Variants in UBE2S observed in about 807,000 individuals in gnomAD.
The protein encoded by UBE2S is ubiquitin conjugating enzyme E2 S, also known as ubiquitin-conjugating enzyme E2 S.
A neutral mutation model predicts 12.3 loss-of-function variants in UBE2S; 3 were observed. That is an observed-to-expected ratio of 0.24 (90% CI 0.11 to 0.63). The LOEUF (loss-of-function observed/expected upper bound fraction) is 0.63, where lower values mean the gene tolerates loss of function less well. UBE2S is among the 30% of genes least tolerant of loss of function. The pLI is 0.85. For missense variants in UBE2S, 211 were observed against 313.9 expected (o/e 0.67, Z 2.48); for synonymous variants, 133 against 142.0 (o/e 0.94, Z 0.45).
In UBE2S at chr19:55,404,836, C is replaced by G. The variant is rs2090086260; in HGVS notation, c.152-358G>C. Among the ~76,000 whole-genome samples, 1 of 152,116 alleles carries G rather than the reference C, an allele frequency of 6.6e-6. No individual in the cohort carries two copies. The highest frequency in any genetic ancestry group is 1.5e-5 in the Non-Finnish European group (1 of 68,004). On this transcript the variant is annotated intron_variant, in intron 2 of 3. Transcript: ENST00000264552. The surrounding 1 kb of genome is among the most constrained non-coding windows in gnomAD (Gnocchi z 4.4). ...CAAGCTGGTCTTGCACTCCTAGGCTCAAGCAATTTGTTCACCTCAGCCTCC... is the reference window on the plus strand; with the variant it reads ...CAAGCTGGTCTTGCACTCCTAGGCTGAAGCAATTTGTTCACCTCAGCCTCC...
rs377155611 is a variant in UBE2S at position 55,404,270 on chromosome 19, C to A, written c.342+18G>T. ...CAGAGGCAGGAGGCAGGAGGCCCAG[C>A]CCCAGCCCAGAACTCACCAGCAGTA... On this transcript the variant is annotated intron_variant, in intron 3 of 3. Coordinates refer to ENST00000264552, the MANE Select transcript of UBE2S (RefSeq NM_014501.3). The surrounding 1 kb of genome is among the most constrained non-coding windows in gnomAD (Gnocchi z 4.4). 7 of 1,609,540 alleles carry A rather than the reference C, an allele frequency of 4.3e-6. No homozygotes were observed. In the African/African-American group the frequency reaches 8.3e-5, roughly 19 times the overall value.
rs561914418 is a variant in UBE2S at position 55,405,164 on chromosome 19, C to T, written c.152-686G>A. ...TGGGGAGGTTGCAGTGTGCGGAGAT[C>T]GCGCCACTGCACTCCAGCCTGGGCA... is the stretch of plus-strand genomic sequence containing the variant. On this transcript the variant is annotated intron_variant, in intron 2 of 3. Coordinates refer to ENST00000264552, the MANE Select transcript of UBE2S (RefSeq NM_014501.3). Among the ~76,000 whole-genome samples the T allele has an allele frequency of 4.8e-5, 7 of 146,510 alleles. No individual in the cohort carries two copies. The South Asian group carries it at 1.5e-3, about 32-fold the overall frequency.
chr19:55,405,359 A>T (rs766938545), intron 2 of UBE2S, among the ~76,000 whole-genome samples: 29 of 151,968 alleles, frequency 1.9e-4, no homozygotes, highest in Non-Finnish European at 3.7e-4. Context: ...AATACAAAAA[A>T]TTAGCTGGGC....
chr19:55,404,414 G>A lies in UBE2S; in HGVS notation c.216C>T (p.Ala72=). The A allele has an allele frequency of 6.2e-7, 1 of 1,613,560 alleles. No homozygotes were observed. Among genetic ancestry groups the A allele is most frequent in the African/African-American group, 1.3e-5 (1 of 75,016 alleles). The change falls in exon 3 of 4, where the codon GCC becomes GCT. Residue 72 remains alanine, a synonymous_variant. Transcript: ENST00000264552. This position sits in a 1 kb window ranked among gnomAD's most constrained non-coding sequence, Gnocchi z 4.4. ...TCAGGAAGTAGCCCTTGGGTGGGGA[G>A]GCAGGGAAGTCCTTCCCCAGCAGGA... is the stretch of plus-strand genomic sequence containing the variant. ...MKLLLGKDFP[A]SPPKGYFLTK... is the part of the protein sequence containing the mutation.
Position 55,407,783 on chromosome 19 carries a change from T to G in UBE2S, c.-194A>C, listed in dbSNP as rs1237935331. On this transcript the variant is annotated 5_prime_UTR_variant, in exon 1 of 4. Coordinates refer to ENST00000264552, the MANE Select transcript of UBE2S (RefSeq NM_014501.3). ...CCGCCGCCCCGGTGCCCGGCAGCAC[T>G]GAGCCGGCCGCGCGCGCACCACTGC... is the stretch of plus-strand genomic sequence containing the variant. 2.8e-6 allele frequency: 1 copy of G among 352,894 alleles called. No homozygotes were observed. Among genetic ancestry groups the G allele is most frequent in the Admixed American group, 4.9e-5 (1 of 20,504 alleles). The allele number at this position is 352,894 out of a possible 1,614,324, so 21.9% of individuals were successfully genotyped here. A position where few individuals can be genotyped will look rare whatever the true frequency, so the allele number is the denominator to read the frequency against.
At chr19:55,406,133 C>T (rs2090094868) in intron 2 of UBE2S, among the ~76,000 whole-genome samples, 1 of 152,220 alleles carries the variant, frequency 6.6e-6, no homozygotes, top group Non-Finnish European at 1.5e-5. Flanking sequence ...TCCACCTGCC[C>T]AAGGGCCTTT....
intron 1 of UBE2S, 133 bp from the exon 2 acceptor site, chr19:55,407,095 C>T: frequency 2.6e-6 from 3 of 1,138,294 alleles, no homozygotes; most frequent in Non-Finnish European, 3.6e-6. Flanking sequence ...CTCCCAGACC[C>T]TCACCCAGGA....
intron 2 of UBE2S, among the ~76,000 whole-genome samples, chr19:55,406,459 ATCACCTGGCCCACCC>A (rs1372522240): frequency 6.6e-6 from 1 of 152,110 alleles, no homozygotes; most frequent in African/African-American, 2.4e-5. Flanking sequence ...GGAGTTTGAG[ATCACCTGGCCCACCC>A]TCCCAGGCCC....
rs1463588327 is a variant in UBE2S at position 55,405,196 on chromosome 19, G to C, written c.152-718C>G. Among the ~76,000 whole-genome samples the C allele has an allele frequency of 9.6e-5, 12 of 124,774 alleles. No homozygotes were observed. In the East Asian group the frequency reaches 2.4e-3, roughly 25 times the overall value. 81.9% of individuals were successfully genotyped at this position (124,774 alleles called of 152,430 possible). A position where few individuals can be genotyped will look rare whatever the true frequency, so the allele number is the denominator to read the frequency against. On this transcript the variant is annotated intron_variant, in intron 2 of 3. Coordinates refer to ENST00000264552, the MANE Select transcript of UBE2S (RefSeq NM_014501.3). ...CTGCACTCCAGCCTGGGCAACAAGA[G>C]CGAAACTCTGTTTCCAAAAAAAAAA... is the stretch of plus-strand genomic sequence containing the variant.
Position 55,401,230 on chromosome 19 carries a change from A to G in UBE2S, c.*206T>C. The G allele has an allele frequency of 1.5e-6, 1 of 648,544 alleles. No individual in the cohort carries two copies. The highest frequency in any genetic ancestry group is 2.0e-5 in the South Asian group (1 of 50,192). 40.2% of individuals were successfully genotyped at this position (648,544 alleles called of 1,614,324 possible). A position where few individuals can be genotyped will look rare whatever the true frequency, so the allele number is the denominator to read the frequency against. ...GCCTGTGCAGGGGAGCCAAACTCCC[A>G]GAGCCACATGGCACCATGCAGCGGT... is the stretch of plus-strand genomic sequence containing the variant. On this transcript the variant is annotated 3_prime_UTR_variant, in exon 4 of 4. Coordinates refer to ENST00000264552, the MANE Select transcript of UBE2S (RefSeq NM_014501.3).
At chr19:55,403,425 G>C (rs1450881293) in intron 3 of UBE2S, among the ~76,000 whole-genome samples, 1 of 152,032 alleles carries the variant, frequency 6.6e-6, no homozygotes, top group Non-Finnish European at 1.5e-5. Context: ...GGAGTTCAAG[G>C]CTACAGTGAG....
rs73932629 is a variant in UBE2S, at chr19:55,406,994, G to C, written c.4-32C>G. On this transcript the variant is annotated intron_variant, in intron 1 of 3. Transcript: ENST00000264552. ...ACGGATGGGAGAGCAGGGTGAGCGAGTGTTAAGAGCTGGGCTTCCCGCAGG... is the reference window on the plus strand; with the variant it reads ...ACGGATGGGAGAGCAGGGTGAGCGACTGTTAAGAGCTGGGCTTCCCGCAGG... The C allele has an allele frequency of 5.2e-3, 8,371 of 1,608,542 alleles. 334 individuals carry two copies. In the African/African-American group the frequency reaches 0.09, roughly 17 times the overall value.
rs915500885 is a variant in UBE2S at position 55,404,897 on chromosome 19, C to T, written c.152-419G>A. ...GGATTACAGGCGTGAACCACCATGC[C>T]CAGTCAGGCTGTAGAATTCTTAAGA... On this transcript the variant is annotated intron_variant, in intron 2 of 3. Coordinates refer to ENST00000264552, the MANE Select transcript of UBE2S (RefSeq NM_014501.3). This position sits in a 1 kb window ranked among gnomAD's most constrained non-coding sequence, Gnocchi z 4.4. Among the ~76,000 whole-genome samples, 2 of 151,990 alleles carry T rather than the reference C, an allele frequency of 1.3e-5. No homozygotes were observed. The highest frequency in any genetic ancestry group is 2.9e-5 in the Non-Finnish European group (2 of 67,998).
intron 2 of UBE2S, among the ~76,000 whole-genome samples, chr19:55,405,210 C>T (rs1441785292): frequency 3.4e-5 from 1 of 29,512 alleles, no homozygotes; most frequent in African/African-American, 1.9e-4. Context: ...AACTCTGTTT[C>T]CAAAAAAAAA....
At position 55,400,192 on chromosome 19, in the gene UBE2S, G is replaced by C. The variant is rs1038165202; in HGVS notation, c.*1244C>G. 1.3e-5 allele frequency: 2 copies of C among 152,164 alleles called. No individual in the cohort carries two copies. The highest frequency in any genetic ancestry group is 2.9e-5 in the Non-Finnish European group (2 of 68,022). The allele number at this position is 152,164 out of a possible 1,614,324, so 9.4% of individuals were successfully genotyped here. On this transcript the variant is annotated 3_prime_UTR_variant, in exon 4 of 4. Transcript: ENST00000264552. ...GAACTTGTAGATTTTTATTGTAAAT[G>C]TATTTTACTTTTTGTAGAGATGGGA...
In UBE2S at chr19:55,404,438, G is replaced by A. The variant is rs756443360; in HGVS notation, c.192C>T (p.Leu64=). 1.2e-6 allele frequency: 2 copies of A among 1,612,374 alleles called. No homozygotes were observed. The highest frequency in any genetic ancestry group is 1.7e-6 in the Non-Finnish European group (2 of 1,179,068). The part of the protein sequence containing the change: ...PYAGGLFRMK[L]LLGKDFPASP... Reference sequence around the variant, plus strand: ...AGGCAGGGAAGTCCTTCCCCAGCAGGAGTTTCATGCGGAACAGACCTCCAG... The same window carrying A: ...AGGCAGGGAAGTCCTTCCCCAGCAGAAGTTTCATGCGGAACAGACCTCCAG... Residue 64 remains leucine (L), a synonymous_variant, in exon 3 of 4, where the codon CTC becomes CTT. Coordinates refer to ENST00000264552, the MANE Select transcript of UBE2S (RefSeq NM_014501.3). The surrounding 1 kb of genome is among the most constrained non-coding windows in gnomAD (Gnocchi z 4.4).
At chr19:55,406,335 G>C (rs1251659069) in intron 2 of UBE2S, among the ~76,000 whole-genome samples, 2 of 152,210 alleles carry the variant, frequency 1.3e-5, no homozygotes, top group African/African-American at 4.8e-5. Context: ...TAGCCTGCAT[G>C]AAACAGTATT....
At chr19:55,403,361 T>C (rs1026333153) in intron 3 of UBE2S, 2 of 480,538 alleles carry the variant, frequency 4.2e-6, no homozygotes, top group South Asian at 2.9e-5. Flanking sequence ...TGGTGGTGCA[T>C]GCGTGTAATA....
At chr19:55,406,499 C>T (rs925767099) in intron 2 of UBE2S, among the ~76,000 whole-genome samples, 1 of 152,168 alleles carries the variant, frequency 6.6e-6, no homozygotes, top group Non-Finnish European at 1.5e-5. Context: ...TGACACCATT[C>T]CCACCACCTG....
Sources: gnomAD v4.1 joint callset for allele counts (sites outside exome capture counted in the v4.1 genomes callset) on GRCh38, gnomAD v4.1.1 for gene constraint, Gnocchi (gnomAD v3.1) non-coding constraint, MANE v1.5 for transcripts, NCBI Gene and HGNC (gene_info 2026-07-23, HGNC 2026-07-21) for gene names.